SRD5A1: variants seen among roughly 807,000 people sequenced by gnomAD.
SRD5A1 encodes 3-oxo-5-alpha-steroid 4-dehydrogenase 1.
Under a neutral mutation model 28.2 loss-of-function variants are expected in SRD5A1, and 22 were observed. That is an observed-to-expected ratio of 0.78 (90% CI 0.56 to 1.12). SRD5A1 has a LOEUF of 1.12. Ranked by LOEUF, SRD5A1 falls within the 50% of genes most tolerant of loss-of-function variation. The probability of loss-of-function intolerance (pLI) is 0.00; values close to 1 mark genes in which losing one functional copy is unlikely to be tolerated. For missense variants in SRD5A1, 300 were observed against 346.7 expected (o/e 0.87, Z 1.07); for synonymous variants, 151 against 135.0 (o/e 1.12, Z -0.82).
At chr5:6,664,317 T>G (rs1739096215) in intron 4 of SRD5A1, among the ~76,000 whole-genome samples, 1 of 152,158 alleles carries the variant, frequency 6.6e-6, no homozygotes, top group Non-Finnish European at 1.5e-5. Flanking sequence ...AGTACCTAGG[T>G]GTACTTCCCA....
At position 6,659,590 on chromosome 5, in the gene SRD5A1, G is replaced by A. The variant is rs79596831; in HGVS notation, c.563-3226G>A. On this transcript the variant is annotated intron_variant, in intron 3 of 4. Transcript: ENST00000274192. ...GTGAAGTAAAACAAGACACAAGAGC[G>A]TCTGCCGTTTGCAGGTACGCACCCT... Among the ~76,000 whole-genome samples, 210 of 152,286 alleles carry A rather than the reference G, an allele frequency of 1.4e-3. 4 individuals carry two copies. The East Asian group carries it at 0.029, about 21-fold the overall frequency.
intron 2 of SRD5A1, 149 bp downstream of exon 2, chr5:6,652,157 C>G: frequency 1.1e-6 from 1 of 890,070 alleles, no homozygotes; most frequent in Non-Finnish European, 1.6e-6. Context: ...ATGGGAGAGC[C>G]CAGCTGTCTC....
At position 6,670,991 on chromosome 5, in the gene SRD5A1, A is replaced by T. The variant is rs909859532; in HGVS notation, c.*2723A>T. 6.6e-6 allele frequency: 1 copy of T among 152,200 alleles called. No homozygotes were observed. Among genetic ancestry groups the T allele is most frequent in the Non-Finnish European group, 1.5e-5 (1 of 68,036 alleles). The allele number at this position is 152,200 out of a possible 1,614,324, so 9.4% of individuals were successfully genotyped here. A position where few individuals can be genotyped will look rare whatever the true frequency, so the allele number is the denominator to read the frequency against. On this transcript the variant is annotated 3_prime_UTR_variant, in exon 5 of 5. Transcript: ENST00000274192. ...TGTGCGTGCAAGTATCTTTTTTTGAATAATGACTTCTTTTCCTCTGGGTAG... is the reference window on the plus strand; with the variant it reads ...TGTGCGTGCAAGTATCTTTTTTTGATTAATGACTTCTTTTCCTCTGGGTAG...
chr5:6,650,224 A>G (rs755109030), intron 1 of SRD5A1, among the ~76,000 whole-genome samples: 8 of 152,116 alleles, frequency 5.3e-5, no homozygotes, highest in Non-Finnish European at 1.2e-4. Flanking sequence ...GAGATCAGAC[A>G]TAGAGAGACC....
chr5:6,640,057 G>A (rs984381601), intron 1 of SRD5A1, among the ~76,000 whole-genome samples: 10 of 152,298 alleles, frequency 6.6e-5, no homozygotes, highest in African/African-American at 2.4e-4. Context: ...GACTGACAGT[G>A]AGGATTTCAT....
At chr5:6,665,671 A>T (rs1003505710) in intron 4 of SRD5A1, among the ~76,000 whole-genome samples, 2 of 152,224 alleles carry the variant, frequency 1.3e-5, no homozygotes, top group Non-Finnish European at 2.9e-5. Flanking sequence ...ATTAAAAGAA[A>T]CAAATGAGAT....
At chr5:6,649,771 C>G (rs904662866) in intron 1 of SRD5A1, among the ~76,000 whole-genome samples, 3 of 152,156 alleles carry the variant, frequency 2.0e-5, no homozygotes, top group African/African-American at 7.2e-5. Context: ...CACCCACTGT[C>G]CAACCAGTCC....
At chr5:6,637,632 G>A (rs1738228277) in intron 1 of SRD5A1, among the ~76,000 whole-genome samples, 1 of 152,218 alleles carries the variant, frequency 6.6e-6, no homozygotes, top group South Asian at 2.1e-4. Flanking sequence ...TCAGGGGATT[G>A]TCTCTGCATT....
At position 6,672,131 on chromosome 5, in the gene SRD5A1, TC is replaced by T. The variant is rs1418124449; in HGVS notation, c.*3864del. ...CAGCCACCAGCCTCTGTTCATGCAGTCTCACTGAGGGCAGTTACTTCTTTGG... is the reference window on the plus strand; with the variant it reads ...CAGCCACCAGCCTCTGTTCATGCAGTTCACTGAGGGCAGTTACTTCTTTGG... On this transcript the variant is annotated 3_prime_UTR_variant, in exon 5 of 5. Coordinates refer to ENST00000274192, the MANE Select transcript of SRD5A1 (RefSeq NM_001047.4). The T allele has an allele frequency of 1.2e-4, 18 of 152,442 alleles. No individual in the cohort carries two copies. Among genetic ancestry groups the T allele is most frequent in the African/African-American group, 4.1e-4 (17 of 41,574 alleles). The allele number at this position is 152,442 out of a possible 1,614,324, so 9.4% of individuals were successfully genotyped here.
In SRD5A1 at chr5:6,633,783, C is replaced by T. The variant is rs1422800538; in HGVS notation, c.207C>T (p.Tyr69=). 17 of 1,597,690 alleles carry T rather than the reference C, an allele frequency of 1.1e-5. No individual in the cohort carries two copies. The highest frequency in any genetic ancestry group is 1.3e-5 in the African/African-American group (1 of 74,906). ...TGCCCTCGCTGGCCCTGCCGCTCTA[C>T]CAGTACGCCAGCGAGTCCGCCCCGC... ...QELPSLALPL[Y]QYASESAPRL... is the part of the protein sequence containing the mutation. The change falls in exon 1 of 5, where the codon TAC becomes TAT. Residue 69 remains tyrosine (Y), a synonymous_variant. Coordinates refer to ENST00000274192, the MANE Select transcript of SRD5A1 (RefSeq NM_001047.4).
At chr5:6,640,252 T>C (rs1401359903) in intron 1 of SRD5A1, among the ~76,000 whole-genome samples, 1 of 152,162 alleles carries the variant, frequency 6.6e-6, no homozygotes, top group African/African-American at 2.4e-5. Context: ...TTTTGCAGTG[T>C]AAAAAAAGGG....
At chr5:6,635,667 G>A (rs1325955121) in intron 1 of SRD5A1, among the ~76,000 whole-genome samples, 1 of 152,246 alleles carries the variant, frequency 6.6e-6, no homozygotes, top group Non-Finnish European at 1.5e-5. Context: ...TTGCATTGCT[G>A]TGAATGCACA....
At chr5:6,666,618 G>A (rs1266769778) in intron 4 of SRD5A1, among the ~76,000 whole-genome samples, 1 of 151,938 alleles carries the variant, frequency 6.6e-6, no homozygotes, top group Non-Finnish European at 1.5e-5. Context: ...AAAATTTAAA[G>A]GTATTCTAAG....
rs1739257275 is a variant in SRD5A1, at chr5:6,668,433, A to G, written c.*165A>G. The G allele has an allele frequency of 2.1e-6, 1 of 484,272 alleles. No homozygotes were observed. The highest frequency in any genetic ancestry group is 3.6e-5 in the South Asian group (1 of 28,076). 30.0% of individuals were successfully genotyped at this position (484,272 alleles called of 1,614,324 possible). ...TAATTTTGCAATCTACCTAATAAGTACCTAAATACGCTGAAATGGAGGTTG... is the reference window on the plus strand; with the variant it reads ...TAATTTTGCAATCTACCTAATAAGTGCCTAAATACGCTGAAATGGAGGTTG... On this transcript the variant is annotated 3_prime_UTR_variant, in exon 5 of 5. Transcript: ENST00000274192.
At position 6,654,632 on chromosome 5, in the gene SRD5A1, C is replaced by T. The variant is rs535240723; in HGVS notation, c.461-1446C>T. Among the ~76,000 whole-genome samples the T allele has an allele frequency of 3.9e-5, 6 of 152,222 alleles. No homozygotes were observed. The East Asian group carries it at 1.2e-3, about 29-fold the overall frequency. Reference sequence around the variant, plus strand: ...ATTTTCAGTAGAGATGGGGTTTCACCATGTTGGCCAGGCTGGTCTTGAACC... The same window carrying T: ...ATTTTCAGTAGAGATGGGGTTTCACTATGTTGGCCAGGCTGGTCTTGAACC... On this transcript the variant is annotated intron_variant, in intron 2 of 4. Transcript: ENST00000274192.
chr5:6,656,228 C>G, intron 3 of SRD5A1, 49 bp downstream of exon 3: 1 of 1,500,586 alleles, frequency 6.7e-7, no homozygotes. Context: ...TGCCATGGTT[C>G]CTGGCTATTT....
chr5:6,674,069 AGAAT>A lies in SRD5A1; in HGVS notation c.*5807_*5810del, dbSNP rs1173544833. 1.3e-5 allele frequency: 2 copies of A among 151,188 alleles called. No homozygotes were observed. The highest frequency in any genetic ancestry group is 4.9e-5 in the African/African-American group (2 of 40,684). 9.4% of individuals were successfully genotyped at this position (151,188 alleles called of 1,614,324 possible). ...AAAACACATAGAATATACAACATGA[AGAAT>A]GAATGCTAATGTAAACTCTGGATTT... On this transcript the variant is annotated 3_prime_UTR_variant, in exon 5 of 5. Coordinates refer to ENST00000274192, the MANE Select transcript of SRD5A1 (RefSeq NM_001047.4).
intron 1 of SRD5A1, among the ~76,000 whole-genome samples, chr5:6,640,835 CAG>C (rs2126527572): frequency 6.6e-6 from 1 of 152,338 alleles, no homozygotes; most frequent in East Asian, 1.9e-4. Context: ...GAACAGAAAA[CAG>C]ATATATGACA....
At chr5:6,639,122 A>C (rs494803) in intron 1 of SRD5A1, among the ~76,000 whole-genome samples, 3,630 of 152,316 alleles carry the variant, frequency 0.024, 156 homozygotes, top group African/African-American at 0.082. Flanking sequence ...TAAGTAAACC[A>C]AGGGATTATT....
Sources: allele counts gnomAD v4.1 joint callset (sites outside exome capture counted in the v4.1 genomes callset), GRCh38; gene constraint gnomAD v4.1.1; transcripts MANE v1.5; gene names NCBI Gene and HGNC (gene_info 2026-07-23, HGNC 2026-07-21).